SSH2: variants seen among roughly 807,000 people sequenced by gnomAD.
The protein encoded by SSH2 is slingshot protein phosphatase 2, also known as protein phosphatase Slingshot homolog 2.
Under a neutral mutation model 135.2 loss-of-function variants are expected in SSH2, and 37 were observed. The ratio of observed to expected loss-of-function variants is 0.27; its 90% CI spans 0.21 to 0.36. The LOEUF (loss-of-function observed/expected upper bound fraction) is 0.36, where lower values mean the gene tolerates loss of function less well. Ranked by LOEUF, SSH2 falls within the 10% of genes least tolerant of loss-of-function variation. The pLI is 1.00. For missense variants in SSH2, 1,408 were observed against 1,765.3 expected (o/e 0.80, Z 3.63); for synonymous variants, 628 against 646.2 (o/e 0.97, Z 0.43).
chr17:29,684,442 A>G, intron 6 of SSH2, 121 bp downstream of exon 6: 1 of 941,328 alleles, frequency 1.1e-6, no homozygotes, highest in Non-Finnish European at 1.5e-6. Flanking sequence ...GAGCCACTGC[A>G]CTCTAGTCTG....
chr17:29,841,892 ATT>A (rs770836134), intron 2 of SSH2, among the ~76,000 whole-genome samples: 4 of 99,644 alleles, frequency 4.0e-5, no homozygotes, highest in Non-Finnish European at 7.6e-5. Flanking sequence ...CCCTTGGCTA[ATT>A]TTTTTTTTTT....
intron 3 of SSH2, among the ~76,000 whole-genome samples, chr17:29,731,231 T>C (rs559441469): frequency 2.0e-5 from 3 of 152,296 alleles, no homozygotes; most frequent in Admixed American, 1.3e-4. Context: ...TAATGAATTA[T>C]ATAATATGTG....
intron 3 of SSH2, among the ~76,000 whole-genome samples, chr17:29,736,786 CAAAAAAAAAA>C (rs1194959594): frequency 1.8e-3 from 18 of 10,210 alleles, no homozygotes; most frequent in East Asian, 7.4e-3. Context: ...GACTCTGTCT[CAAAAAAAAAA>C]AAAAAAAAAA....
intron 2 of SSH2, among the ~76,000 whole-genome samples, chr17:29,823,604 G>A (rs957389821): frequency 6.6e-6 from 1 of 151,886 alleles, no homozygotes; most frequent in Non-Finnish European, 1.5e-5. Context: ...CTGGGGTCGG[G>A]TGCGGTCTCA....
In SSH2 at chr17:29,636,255, G is replaced by A. The variant is rs2035909633; in HGVS notation, c.1975C>T (p.Pro659Ser). ...DPPMSPDPES[P>S]SPQPSCQTEI... is the part of the protein sequence containing the mutation. ...GTCTGGCAACTGGGTTGGGGGCTTG[G>A]TGACTCAGGATCAGGGGACATGGGG... Residue 659 changes from proline to serine, a missense_variant, in exon 15 of 16, where the codon CCA becomes TCA. This residue lies in a region of SSH2 where 1,080 missense variants were observed against 1,144.5 expected (regional missense o/e 0.94). Transcript: ENST00000540801. The A allele has an allele frequency of 6.2e-7, 1 of 1,614,140 alleles. No individual in the cohort carries two copies.
Position 29,655,586 on chromosome 17 carries a change from T to C in SSH2, c.1054A>G (p.Asn352Asp). 6.2e-7 allele frequency: 1 copy of C among 1,614,066 alleles called. No individual in the cohort carries two copies. The highest frequency in any genetic ancestry group is 8.5e-7 in the Non-Finnish European group (1 of 1,179,994). ...VFLGSEWNAS[N>D]LEDLQNRGVR... ...CCTCGGTTCTGTAAGTCCTCTAAGT[T>C]GGAGGCATTCCATTCTGAGCCCTAT... The change falls in exon 12 of 16, where the codon AAC becomes GAC. Residue 352 changes from asparagine to aspartate, a missense_variant. This residue lies in a region of SSH2 where 106 missense variants were observed against 265.2 expected (regional missense o/e 0.40). Coordinates refer to ENST00000540801, the MANE Select transcript of SSH2 (RefSeq NM_001282129.2).
At chr17:29,773,454 C>T (rs956167038) in intron 3 of SSH2, among the ~76,000 whole-genome samples, 2 of 152,038 alleles carry the variant, frequency 1.3e-5, no homozygotes, top group African/African-American at 4.8e-5. Flanking sequence ...TTCTAAGCAC[C>T]TCATGAATAG....
intron 2 of SSH2, among the ~76,000 whole-genome samples, chr17:29,836,860 G>C (rs1013497526): frequency 6.6e-6 from 1 of 152,172 alleles, no homozygotes; most frequent in Non-Finnish European, 1.5e-5. Context: ...CATGACATTT[G>C]TCTTAACCGG....
intron 2 of SSH2, among the ~76,000 whole-genome samples, chr17:29,842,403 G>A (rs1206825860): frequency 2.0e-5 from 3 of 149,652 alleles, no homozygotes; most frequent in Admixed American, 6.7e-5. Context: ...GCAGTGAGCC[G>A]AGATCACGCC....
At chr17:29,812,338 C>T (rs1379447992) in intron 2 of SSH2, among the ~76,000 whole-genome samples, 3 of 151,912 alleles carry the variant, frequency 2.0e-5, no homozygotes, top group South Asian at 2.1e-4. Flanking sequence ...GGTTGGGGTG[C>T]AGTCACACAA....
intron 11 of SSH2, among the ~76,000 whole-genome samples, chr17:29,656,466 G>T (rs1444167601): frequency 6.6e-6 from 1 of 152,010 alleles, no homozygotes; most frequent in Non-Finnish European, 1.5e-5. Context: ...GTGAGACACC[G>T]CGCAGGGCCG....
intron 1 of SSH2, among the ~76,000 whole-genome samples, chr17:29,859,052 T>A (rs1157890638): frequency 6.6e-6 from 1 of 152,142 alleles, no homozygotes; most frequent in Admixed American, 6.5e-5. Flanking sequence ...TCCAAAACTA[T>A]GAGAAAATAA....
At chr17:29,758,310 C>A (rs1478182855) in intron 3 of SSH2, among the ~76,000 whole-genome samples, 1 of 152,172 alleles carries the variant, frequency 6.6e-6, no homozygotes, top group Non-Finnish European at 1.5e-5. Flanking sequence ...GGAAATAGAT[C>A]TGGATTCTAA....
At chr17:29,635,393 TGC>T (rs1598678131) in intron 15 of SSH2, among the ~76,000 whole-genome samples, 2 of 152,192 alleles carry the variant, frequency 1.3e-5, no homozygotes, top group African/African-American at 4.8e-5. Flanking sequence ...TGATATTAAC[TGC>T]GTATCTTTGG....
At chr17:29,641,959 A>G (rs1232815069) in intron 14 of SSH2, among the ~76,000 whole-genome samples, 2 of 151,698 alleles carry the variant, frequency 1.3e-5, no homozygotes. Flanking sequence ...TTTTTTTAAA[A>G]AAAGAGGGCC....
At position 29,761,114 on chromosome 17, in the gene SSH2, G is replaced by A. The variant is rs761816494; in HGVS notation, c.188+32780C>T. ...GCTGCTGAAAGAGCAAACTTTCTGA[G>A]CGTTCGCGGAGGCGGAGGGCGCGCG... On this transcript the variant is annotated intron_variant, in intron 3 of 15. Transcript: ENST00000540801. 1.5e-5 allele frequency: 19 copies of A among 1,287,286 alleles called. No homozygotes were observed. The South Asian group carries it at 2.3e-4, about 16-fold the overall frequency. The allele number at this position is 1,287,286 out of a possible 1,614,324, so 79.7% of individuals were successfully genotyped here. A position where few individuals can be genotyped will look rare whatever the true frequency, so the allele number is the denominator to read the frequency against.
chr17:29,912,474 T>A (rs2066782511), intron 1 of SSH2, among the ~76,000 whole-genome samples: 1 of 152,122 alleles, frequency 6.6e-6, no homozygotes, highest in South Asian at 2.1e-4. Flanking sequence ...CACCTGTAAT[T>A]TCAGCACTTC....
chr17:29,904,599 G>C (rs2066620283), intron 1 of SSH2, among the ~76,000 whole-genome samples: 1 of 152,096 alleles, frequency 6.6e-6, no homozygotes, highest in Admixed American at 6.6e-5. Context: ...CACAAGACAA[G>C]AATGCCTTCT....
At chr17:29,725,433 C>T (rs1445190052) in intron 3 of SSH2, among the ~76,000 whole-genome samples, 5 of 145,950 alleles carry the variant, frequency 3.4e-5, no homozygotes, top group African/African-American at 5.0e-5. Context: ...TATAAAGACA[C>T]ATGCCACATG....
Sources: gnomAD v4.1 joint callset for allele counts (sites outside exome capture counted in the v4.1 genomes callset) on GRCh38, gnomAD v4.1.1 for gene constraint, gnomAD v4.1.1 regional missense constraint, MANE v1.5 for transcripts, NCBI Gene and HGNC (gene_info 2026-07-23, HGNC 2026-07-21) for gene names.